Variants in ITGA4 observed in about 807,000 individuals in gnomAD.
The protein encoded by ITGA4 is integrin subunit alpha 4, also known as integrin alpha-4.
ITGA4 carries 63 observed loss-of-function variants against 133.6 expected under a neutral mutation model. That is an observed-to-expected ratio of 0.47 (90% CI 0.38 to 0.58). The LOEUF is 0.58. Among genes scored for constraint, ITGA4 ranks in the 20% least tolerant of loss-of-function variants. The probability of loss-of-function intolerance (pLI) is 0.00; values close to 1 mark genes in which losing one functional copy is unlikely to be tolerated. For missense variants in ITGA4, 1,076 were observed against 1,252.7 expected (o/e 0.86, Z 2.13); for synonymous variants, 483 against 438.0 (o/e 1.10, Z -1.28).
In ITGA4 at chr2:181,495,258, A is replaced by G; in HGVS notation, c.1340-113A>G. The stretch of plus-strand genomic sequence containing the variant: ...GTTAGCATATATTCTCTAATTTTCT[A>G]TAAATAGTGTTTTAGGTAGTCAAAG... On this transcript the variant is annotated intron_variant, in intron 12 of 27. Transcript: ENST00000397033. This position sits in a 1 kb window ranked among gnomAD's most constrained non-coding sequence, Gnocchi z 4.3. 1.3e-6 allele frequency: 1 copy of G among 752,818 alleles called. No individual in the cohort carries two copies. The highest frequency in any genetic ancestry group is 2.5e-5 in the East Asian group (1 of 40,026). 46.6% of individuals were successfully genotyped at this position (752,818 alleles called of 1,614,324 possible).
intron 15 of ITGA4, 149 bp from the exon 16 acceptor site, chr2:181,509,509 A>G (rs1686461544): frequency 2.2e-6 from 1 of 463,260 alleles, no homozygotes; most frequent in Non-Finnish European, 3.7e-6. Flanking sequence ...AAAAATATAC[A>G]TCTTCATTTT....
chr2:181,475,966 C>A, intron 4 of ITGA4: 1 of 1,298,654 alleles, frequency 7.7e-7, no homozygotes. Flanking sequence ...AATGCAAATT[C>A]ATAATTTTCT....
rs754709244 is a variant in ITGA4 at position 181,485,994 on chromosome 2, TAATTAA to T, written c.1153+8_1153+13del. 6.4e-7 allele frequency: 1 copy of T among 1,573,260 alleles called. No homozygotes were observed. The highest frequency in any genetic ancestry group is 1.2e-5 in the South Asian group (1 of 83,634). ...ACATTGACAATGATGGCTTTGAAGG[TAATTAA>T]AATTATCAAATTGGTACTTGATTTC... On this transcript the variant is annotated splice_donor_5th_base_variant and intron_variant, in intron 10 of 27. Transcript: ENST00000397033.
intron 15 of ITGA4, among the ~76,000 whole-genome samples, chr2:181,505,742 A>G (rs1686379649): frequency 6.6e-6 from 1 of 152,108 alleles, no homozygotes; most frequent in Non-Finnish European, 1.5e-5. Context: ...TAATTAGGAT[A>G]ATGAAAGTAA....
chr2:181,492,005 C>T (rs539873050), intron 10 of ITGA4, among the ~76,000 whole-genome samples: 2 of 152,308 alleles, frequency 1.3e-5, no homozygotes, highest in African/African-American at 4.8e-5. Flanking sequence ...TATGAGAAGC[C>T]TTTTCTAATT....
At chr2:181,514,527 G>A (rs972865547) in intron 17 of ITGA4, among the ~76,000 whole-genome samples, 36 of 151,348 alleles carry the variant, frequency 2.4e-4, no homozygotes, top group African/African-American at 8.5e-4. Flanking sequence ...CCAGCATGTA[G>A]GGCAGTGCCT....
At chr2:181,491,117 C>T (rs1686042852) in intron 10 of ITGA4, among the ~76,000 whole-genome samples, 2 of 152,140 alleles carry the variant, frequency 1.3e-5, no homozygotes, top group South Asian at 4.1e-4. Context: ...ATTGAATATA[C>T]CCAAGTGTCC....
rs1365814464 is a variant in ITGA4 at position 181,495,854 on chromosome 2, G to A, written c.1457G>A (p.Cys486Tyr). Reference sequence around the variant, plus strand: ...TCAGTAAATAGAACGAAATTTGACTGTGTTGAAAATGGATGGCCTTCTGTG... The same window carrying A: ...TCAGTAAATAGAACGAAATTTGACTATGTTGAAAATGGATGGCCTTCTGTG... Reference protein sequence around the residue: ...PESVNRTKFDCVENGWPSVCI... With the variant: ...PESVNRTKFDYVENGWPSVCI... The change falls in exon 14 of 28, where the codon TGT becomes TAT. Residue 486 changes from cysteine (C) to tyrosine (Y), a missense_variant. By Grantham distance (194) the Cys-to-Tyr change is radical. This residue lies in a region of ITGA4 where 436 missense variants were observed against 590.7 expected (regional missense o/e 0.74). Transcript: ENST00000397033. The surrounding 1 kb of genome is among the most constrained non-coding windows in gnomAD (Gnocchi z 4.3). 3 of 1,613,890 alleles carry A rather than the reference G, an allele frequency of 1.9e-6. No individual in the cohort carries two copies. Among genetic ancestry groups the A allele is most frequent in the Non-Finnish European group, 2.5e-6 (3 of 1,179,778 alleles).
Position 181,495,885 on chromosome 2 carries a change from A to G in ITGA4, c.1488A>G (p.Ile496Met), listed in dbSNP as rs2105745621. The G allele has an allele frequency of 1.9e-6, 3 of 1,614,050 alleles. No homozygotes were observed. Among genetic ancestry groups the G allele is most frequent in the Non-Finnish European group, 1.7e-6 (2 of 1,179,920 alleles). ...CVENGWPSVC[I>M]DLTLCFSYKG... ...AAAATGGATGGCCTTCTGTGTGCAT[A>G]GATCTAACACTTTGTTTCTCATATA... Residue 496 changes from isoleucine (I) to methionine (M), a missense_variant, in exon 14 of 28, where the codon ATA becomes ATG. Around this residue, in one of 4 missense-constraint regions of ITGA4, gnomAD observed 436 missense variants for 590.7 expected, o/e 0.74. Transcript: ENST00000397033. This position sits in a 1 kb window ranked among gnomAD's most constrained non-coding sequence, Gnocchi z 4.3.
chr2:181,496,180 C>T (rs1686154165), intron 14 of ITGA4, among the ~76,000 whole-genome samples: 1 of 151,982 alleles, frequency 6.6e-6, no homozygotes, highest in Non-Finnish European at 1.5e-5. Flanking sequence ...GACATAGTAT[C>T]ACTTGCTATA....
intron 9 of ITGA4, 101 bp from the exon 10 acceptor site, chr2:181,485,776 CTTGT>C (rs1574389578): frequency 8.8e-6 from 8 of 912,298 alleles, no homozygotes; most frequent in African/African-American, 5.2e-5. Flanking sequence ...GTTTGTCCAA[CTTGT>C]TTGACACATT....
chr2:181,461,612 G>A (rs1685280763), intron 2 of ITGA4, among the ~76,000 whole-genome samples: 3 of 152,058 alleles, frequency 2.0e-5, no homozygotes, highest in South Asian at 4.2e-4. Context: ...GTCCATCCAT[G>A]GACTATCAAT....
chr2:181,475,726 A>G lies in ITGA4; in HGVS notation c.556+438A>G, dbSNP rs922060593. ...AGCAAATCTTTCATTCGCACTCACT[A>G]TCTCTTTTTCTAATTTACATGTTTT... On this transcript the variant is annotated intron_variant, in intron 4 of 27. Transcript: ENST00000397033. 1.1e-5 allele frequency: 16 copies of G among 1,464,754 alleles called. No individual in the cohort carries two copies. In the African/African-American group the frequency reaches 1.4e-4, roughly 13 times the overall value. 90.7% of individuals were successfully genotyped at this position (1,464,754 alleles called of 1,614,324 possible). A position where few individuals can be genotyped will look rare whatever the true frequency, so the allele number is the denominator to read the frequency against.
intron 10 of ITGA4, among the ~76,000 whole-genome samples, chr2:181,488,296 A>C (rs1347953072): frequency 6.6e-6 from 1 of 152,188 alleles, no homozygotes; most frequent in Non-Finnish European, 1.5e-5. Context: ...GGGACAGTGC[A>C]GTCTCTCAAT....
chr2:181,465,749 A>G (rs906676786), intron 2 of ITGA4, among the ~76,000 whole-genome samples: 1 of 152,164 alleles, frequency 6.6e-6, no homozygotes, highest in Non-Finnish European at 1.5e-5. Context: ...ATGGAAAAGT[A>G]CTAACAACTA....
intron 10 of ITGA4, 182 bp downstream of exon 10, chr2:181,486,174 T>C: frequency 1.6e-6 from 1 of 642,408 alleles, no homozygotes; most frequent in Non-Finnish European, 2.4e-6. Flanking sequence ...CCATTGATCT[T>C]TACCACTGTT....
rs1686609494 is a variant in ITGA4, at chr2:181,516,433, T to G, written c.1922+4658T>G. 6.6e-6 allele frequency among the ~76,000 whole-genome samples: 1 copy of G among 152,014 alleles called. No homozygotes were observed. The highest frequency in any genetic ancestry group is 2.4e-5 in the African/African-American group (1 of 41,388). ...ATTGATGGTTATCTTTCCAGCTCTC[T>G]CAGCTTTTCCTCATGATCACAGTAT... On this transcript the variant is annotated intron_variant, in intron 17 of 27. Transcript: ENST00000397033. This position sits in a 1 kb window ranked among gnomAD's most constrained non-coding sequence, Gnocchi z 4.0.
At chr2:181,459,442 T>C (rs1466422360) in intron 2 of ITGA4, 1 of 125,982 alleles carries the variant, frequency 7.9e-6, no homozygotes, top group Non-Finnish European at 1.7e-5. Context: ...TTAACTTCTT[T>C]TGTATTTTAT....
intron 17 of ITGA4, among the ~76,000 whole-genome samples, chr2:181,515,472 C>A (rs1280837991): frequency 6.6e-6 from 1 of 151,874 alleles, no homozygotes; most frequent in Non-Finnish European, 1.5e-5. Flanking sequence ...TGAAACATTG[C>A]CAATTCTATA....
Sources: gnomAD v4.1 joint callset for allele counts (sites outside exome capture counted in the v4.1 genomes callset) on GRCh38, gnomAD v4.1.1 for gene constraint, gnomAD v4.1.1 regional missense constraint, Gnocchi (gnomAD v3.1) non-coding constraint, MANE v1.5 for transcripts, NCBI Gene and HGNC (gene_info 2026-07-23, HGNC 2026-07-21) for gene names.